Variants in GREB1L observed in about 807,000 individuals in gnomAD.
The protein encoded by GREB1L is GREB1 like retinoic acid receptor coactivator.
Under a neutral mutation model 200.8 loss-of-function variants are expected in GREB1L, and 17 were observed. The observed-to-expected ratio is 0.08, with a 90% CI of 0.06 to 0.13. The LOEUF (loss-of-function observed/expected upper bound fraction) is 0.13, where lower values mean the gene tolerates loss of function less well. Among genes scored for constraint, GREB1L ranks in the 10% least tolerant of loss-of-function variants. The probability of loss-of-function intolerance (pLI) is 1.00; values close to 1 mark genes in which losing one functional copy is unlikely to be tolerated. For synonymous variants in GREB1L, 789 were observed against 893.0 expected, an observed-to-expected ratio of 0.88 and a Z score of 2.08; for missense variants, 1,657 against 2,367.7, an observed-to-expected ratio of 0.70 and a Z score of 6.23.
At chr18:21,489,278 T>A (rs1442139703) in intron 18 of GREB1L, among the ~76,000 whole-genome samples, 1 of 152,134 alleles carries the variant, frequency 6.6e-6, no homozygotes, top group Non-Finnish European at 1.5e-5. Flanking sequence ...TTGGCTCCCT[T>A]GACGGAGCCA....
chr18:21,370,737 T>C (rs1598706233), intron 2 of GREB1L, among the ~76,000 whole-genome samples: 1 of 152,310 alleles, frequency 6.6e-6, no homozygotes, highest in Non-Finnish European at 1.5e-5. Context: ...GTACATACTC[T>C]AGAGTTGTAC....
At chr18:21,481,591 G>A (rs1386989767) in intron 17 of GREB1L, among the ~76,000 whole-genome samples, 1 of 151,554 alleles carries the variant, frequency 6.6e-6, no homozygotes, top group African/African-American at 2.4e-5. Flanking sequence ...TGTGGGACCA[G>A]CACTCAGATC....
chr18:21,412,958 G>A (rs2031230532), intron 7 of GREB1L, among the ~76,000 whole-genome samples: 1 of 152,056 alleles, frequency 6.6e-6, no homozygotes, highest in African/African-American at 2.4e-5. Context: ...TGTGTCTTCT[G>A]AGTTTTTCTG....
intron 1 of GREB1L, among the ~76,000 whole-genome samples, chr18:21,268,979 G>A (rs2038036373): frequency 6.6e-6 from 1 of 151,016 alleles, no homozygotes; most frequent in Non-Finnish European, 1.5e-5. Context: ...GTTCATTGTT[G>A]GTAAGTGACA....
chr18:21,245,392 T>C (rs1202039384), intron 1 of GREB1L, among the ~76,000 whole-genome samples: 1 of 152,218 alleles, frequency 6.6e-6, no homozygotes, highest in Non-Finnish European at 1.5e-5. Context: ...CTTAGAGTAA[T>C]ATTGATTGAT....
intron 1 of GREB1L, among the ~76,000 whole-genome samples, chr18:21,322,113 A>G (rs2038960039): frequency 6.6e-6 from 1 of 152,254 alleles, no homozygotes; most frequent in African/African-American, 2.4e-5. Context: ...TTGAAAAGCT[A>G]TTATAAGCAG....
At chr18:21,278,396 ATAAATAAAT>A (rs2038211127) in intron 1 of GREB1L, among the ~76,000 whole-genome samples, 1 of 125,444 alleles carries the variant, frequency 8.0e-6, no homozygotes, top group African/African-American at 3.7e-5. Flanking sequence ...AAAAAAATAA[ATAAATAAAT>A]AAATAAATAA....
chr18:21,247,910 G>A (rs1184906357), intron 1 of GREB1L, among the ~76,000 whole-genome samples: 2 of 152,108 alleles, frequency 1.3e-5, no homozygotes, highest in African/African-American at 2.4e-5. Flanking sequence ...CTGGGGATAA[G>A]GCCTACCAAT....
intron 17 of GREB1L, among the ~76,000 whole-genome samples, chr18:21,479,864 C>T (rs556547045): frequency 6.6e-6 from 1 of 152,182 alleles, no homozygotes; most frequent in South Asian, 2.1e-4. Context: ...CCTCACCCTC[C>T]CAAGTAGCAG....
chr18:21,468,835 A>G (rs768456950), intron 15 of GREB1L: 6 of 452,450 alleles, frequency 1.3e-5, no homozygotes, highest in African/African-American at 1.2e-4. Flanking sequence ...GTGAATACTA[A>G]TCAATTGTTT....
At chr18:21,391,312 G>C (rs2040794386) in intron 4 of GREB1L, among the ~76,000 whole-genome samples, 1 of 152,206 alleles carries the variant, frequency 6.6e-6, no homozygotes. Flanking sequence ...ACTGCCTATA[G>C]TATTCAGTAC....
At chr18:21,370,683 C>T (rs1314048709) in intron 2 of GREB1L, among the ~76,000 whole-genome samples, 1 of 152,210 alleles carries the variant, frequency 6.6e-6, no homozygotes, top group African/African-American at 2.4e-5. Context: ...AGGGACACAG[C>T]CAAGCCTCTT....
At chr18:21,490,803 T>C (rs1389275924) in intron 19 of GREB1L, among the ~76,000 whole-genome samples, 1 of 152,200 alleles carries the variant, frequency 6.6e-6, no homozygotes, top group African/African-American at 2.4e-5. Flanking sequence ...CGGTAAAGTA[T>C]TCTGTTTCAT....
At chr18:21,331,774 G>A (rs1353063897) in intron 1 of GREB1L, among the ~76,000 whole-genome samples, 2 of 152,202 alleles carry the variant, frequency 1.3e-5, no homozygotes, top group Non-Finnish European at 1.5e-5. Context: ...GAGGAGATAC[G>A]GGCAGTACAA....
intron 2 of GREB1L, among the ~76,000 whole-genome samples, chr18:21,373,627 G>T (rs2039965049): frequency 6.6e-6 from 1 of 152,092 alleles, no homozygotes; most frequent in Non-Finnish European, 1.5e-5. Context: ...GAGCCACTGT[G>T]CCTGGCCCTC....
intron 1 of GREB1L, among the ~76,000 whole-genome samples, chr18:21,297,704 G>A (rs1258827639): frequency 6.6e-6 from 1 of 152,208 alleles, no homozygotes; most frequent in Non-Finnish European, 1.5e-5. Context: ...CAAGTCTTCA[G>A]AGCAAAGCTT....
In GREB1L at chr18:21,484,645, C is replaced by T. The variant is rs976956100; in HGVS notation, c.2557-975C>T. The stretch of plus-strand genomic sequence containing the variant: ...CAGCCTGGCCAACGTGGCGAAACCC[C>T]GTCTCTCCTAAAAATGCAAAAAAAG... On this transcript the variant is annotated intron_variant, in intron 17 of 32. Transcript: ENST00000424526. Among the ~76,000 whole-genome samples the T allele has an allele frequency of 1.4e-4, 22 of 151,952 alleles. 1 individual carries two copies. The highest frequency in any genetic ancestry group is 7.2e-4 in the Admixed American group (11 of 15,250).
chr18:21,398,347 G>T (rs2041173379), intron 5 of GREB1L, among the ~76,000 whole-genome samples: 1 of 152,152 alleles, frequency 6.6e-6, no homozygotes, highest in African/African-American at 2.4e-5. Context: ...CAAATGAGAT[G>T]ATGTCCTTAA....
Position 21,333,101 on chromosome 18 carries a change from C to T in GREB1L, c.-119-32926C>T, listed in dbSNP as rs113748555. On this transcript the variant is annotated intron_variant, in intron 1 of 32. Transcript: ENST00000424526. Reference sequence around the variant, plus strand: ...ATGTTAATACACACACACGCGCGCGCGCGCGCGCACATACGGTCTCTCTTA... The same window carrying T: ...ATGTTAATACACACACACGCGCGCGTGCGCGCGCACATACGGTCTCTCTTA... Among the ~76,000 whole-genome samples, 217 of 152,046 alleles carry T rather than the reference C, an allele frequency of 1.4e-3. 2 individuals are homozygous for T. The highest frequency in any genetic ancestry group is 4.7e-3 in the African/African-American group (196 of 41,520).
Sources: allele counts gnomAD v4.1 joint callset (sites outside exome capture counted in the v4.1 genomes callset), GRCh38; gene constraint gnomAD v4.1.1; transcripts MANE v1.5; gene names NCBI Gene and HGNC (gene_info 2026-07-23, HGNC 2026-07-21).